Variants in KCNT2 observed in about 807,000 individuals in gnomAD.
KCNT2 encodes the protein potassium channel subfamily T member 2.
Under a neutral mutation model 153.8 loss-of-function variants are expected in KCNT2, and 67 were observed. That is an observed-to-expected ratio of 0.44 (90% CI 0.36 to 0.53). KCNT2 has a LOEUF of 0.53. Among genes scored for constraint, KCNT2 ranks in the 20% least tolerant of loss-of-function variants. The pLI is 0.00. For synonymous variants in KCNT2, 500 were observed against 458.8 expected, an observed-to-expected ratio of 1.09 and a Z score of -1.15; for missense variants, 975 against 1,354.8, an observed-to-expected ratio of 0.72 and a Z score of 4.40.
At chr1:196,269,786 C>T (rs189208207) in intron 25 of KCNT2, among the ~76,000 whole-genome samples, 2 of 152,210 alleles carry the variant, frequency 1.3e-5, no homozygotes, top group Admixed American at 6.6e-5. Context: ...ACAGGTCATG[C>T]ATCTTGCATT....
chr1:196,381,741 T>C (rs963691042), intron 13 of KCNT2, among the ~76,000 whole-genome samples: 10 of 152,094 alleles, frequency 6.6e-5, no homozygotes, highest in African/African-American at 9.7e-5. Flanking sequence ...GGCTGGAGCA[T>C]CCATTACACT....
intron 1 of KCNT2, among the ~76,000 whole-genome samples, chr1:196,575,913 G>T (rs915112417): frequency 6.7e-6 from 1 of 149,802 alleles, no homozygotes; most frequent in Non-Finnish European, 1.5e-5. Flanking sequence ...GGGAGGCAGA[G>T]GTTGCAGTGA....
At chr1:196,456,134 G>A (rs1314451422) in intron 8 of KCNT2, among the ~76,000 whole-genome samples, 2 of 151,996 alleles carry the variant, frequency 1.3e-5, no homozygotes, top group African/African-American at 2.4e-5. Flanking sequence ...TGCCTCAGGA[G>A]GCATGAACAG....
intron 1 of KCNT2, among the ~76,000 whole-genome samples, chr1:196,535,032 T>C (rs1048016080): frequency 1.3e-5 from 2 of 152,206 alleles, no homozygotes; most frequent in Admixed American, 6.6e-5. Context: ...TAATTTCCCT[T>C]TTCATGCATA....
At chr1:196,250,969 G>A (rs1655911938) in intron 26 of KCNT2, among the ~76,000 whole-genome samples, 2 of 151,956 alleles carry the variant, frequency 1.3e-5, no homozygotes, top group African/African-American at 4.8e-5. Context: ...TACAGGCAAT[G>A]ACAAATCCTG....
At chr1:196,466,184 T>G (rs1360220532) in intron 7 of KCNT2, among the ~76,000 whole-genome samples, 1 of 152,116 alleles carries the variant, frequency 6.6e-6, no homozygotes, top group Non-Finnish European at 1.5e-5. Flanking sequence ...CTGTCTTGTT[T>G]GAGTTATTTT....
rs527919216 is a variant in KCNT2 at position 196,439,145 on chromosome 1, T to C, written c.639-9388A>G. Among the ~76,000 whole-genome samples, 174 of 152,070 alleles carry C rather than the reference T, an allele frequency of 1.1e-3. 2 individuals are homozygous for C. The highest frequency in any genetic ancestry group is 4.0e-3 in the African/African-American group (167 of 41,546). ...TTCAAAACTAATTCACATAGTAATT[T>C]CTGCCTTACCGTGATTTAGTTTTAT... On this transcript the variant is annotated intron_variant, in intron 8 of 27. Coordinates refer to ENST00000294725, the MANE Select transcript of KCNT2 (RefSeq NM_198503.5).
At chr1:196,248,219 C>G (rs1408395571) in intron 26 of KCNT2, among the ~76,000 whole-genome samples, 1 of 151,372 alleles carries the variant, frequency 6.6e-6, no homozygotes, top group Non-Finnish European at 1.5e-5. Flanking sequence ...AATAAACAAC[C>G]AAATGATGCA....
intron 14 of KCNT2, among the ~76,000 whole-genome samples, chr1:196,345,766 G>T (rs1666087359): frequency 6.6e-6 from 1 of 152,006 alleles, no homozygotes; most frequent in African/African-American, 2.4e-5. Context: ...ATTTGCTAAT[G>T]GAAGAGAAAA....
chr1:196,535,215 A>G (rs1341354202), intron 1 of KCNT2, among the ~76,000 whole-genome samples: 1 of 152,172 alleles, frequency 6.6e-6, no homozygotes, highest in Non-Finnish European at 1.5e-5. Context: ...GGCCCTCATC[A>G]AGTAAGGCCA....
At chr1:196,290,179 T>G (rs891562074) in intron 22 of KCNT2, among the ~76,000 whole-genome samples, 7 of 152,136 alleles carry the variant, frequency 4.6e-5, no homozygotes, top group African/African-American at 1.7e-4. Flanking sequence ...TCCTTCATTC[T>G]TTCCTCTGGA....
intron 8 of KCNT2, among the ~76,000 whole-genome samples, chr1:196,433,895 GAAGA>G (rs1227862164): frequency 1.3e-5 from 2 of 152,022 alleles, no homozygotes; most frequent in African/African-American, 4.8e-5. Flanking sequence ...TCAAGAGACA[GAAGA>G]GAGAAAGGAA....
intron 8 of KCNT2, among the ~76,000 whole-genome samples, chr1:196,452,288 A>T (rs1418156479): frequency 6.6e-6 from 1 of 151,880 alleles, no homozygotes; most frequent in African/African-American, 2.4e-5. Context: ...ATCCAAAGAA[A>T]CTCTGAGAAC....
intron 1 of KCNT2, among the ~76,000 whole-genome samples, chr1:196,522,655 C>T (rs533768174): frequency 1.7e-4 from 26 of 152,250 alleles, no homozygotes; most frequent in Non-Finnish European, 2.4e-4. Context: ...GGACTGTAAA[C>T]GCACCAATCA....
chr1:196,586,870 A>G (rs1662753315), intron 1 of KCNT2, among the ~76,000 whole-genome samples: 1 of 152,128 alleles, frequency 6.6e-6, no homozygotes, highest in South Asian at 2.1e-4. Context: ...ACAATATTTA[A>G]TAAGTGCTAA....
Position 196,423,103 on chromosome 1 carries a change from C to T in KCNT2, c.1132G>A (p.Ala378Thr), listed in dbSNP as rs750240556. 9.4e-6 allele frequency: 15 copies of T among 1,598,960 alleles called. No homozygotes were observed. The highest frequency in any genetic ancestry group is 1.1e-5 in the Non-Finnish European group (13 of 1,169,878). Reference sequence around the variant, plus strand: ...CTACTGAGAATAAAACAGGCCTCAGCGTCATCCATCCTAAATACAGATGGA... The same window carrying T: ...CTACTGAGAATAAAACAGGCCTCAGTGTCATCCATCCTAAATACAGATGGA... ...QDLLRAKMDD[A>T]EACFILSSRC... Residue 378 changes from alanine (A) to threonine (T), a missense_variant, in exon 12 of 28, where the codon GCT (alanine) becomes ACT (threonine). By Grantham distance (58) the Ala-to-Thr change is moderately conservative. Around this residue, in one of 6 missense-constraint regions of KCNT2, gnomAD observed 202 missense variants for 314.9 expected, o/e 0.64. Coordinates refer to ENST00000294725, the MANE Select transcript of KCNT2 (RefSeq NM_198503.5).
At chr1:196,363,747 G>T (rs945020598) in intron 14 of KCNT2, among the ~76,000 whole-genome samples, 5 of 152,076 alleles carry the variant, frequency 3.3e-5, no homozygotes, top group Non-Finnish European at 7.4e-5. Flanking sequence ...GACTCCCCAA[G>T]AAAATAAATC....
intron 21 of KCNT2, among the ~76,000 whole-genome samples, chr1:196,306,325 T>C (rs1050130355): frequency 3.3e-5 from 5 of 152,150 alleles, no homozygotes; most frequent in Admixed American, 6.5e-5. Context: ...CCTGTTTGTG[T>C]GGCTCAGGAA....
rs577991219 is a variant in KCNT2, at chr1:196,489,697, A to AAATCGATC, written c.275+133_275+140dup. On this transcript the variant is annotated intron_variant, in intron 3 of 27. Coordinates refer to ENST00000294725, the MANE Select transcript of KCNT2 (RefSeq NM_198503.5). ...CCTACAAGAATTATGTAGTGCCTGT[A>AAATCGATC]AATCGATCAATTTTATTTGTGACAA... 6.0e-4 allele frequency: 329 copies of AAATCGATC among 552,298 alleles called. 1 individual carries two copies. The highest frequency in any genetic ancestry group is 4.9e-3 in the African/African-American group (243 of 49,992). The allele number at this position is 552,298 out of a possible 1,614,324, so 34.2% of individuals were successfully genotyped here.
Sources: allele counts gnomAD v4.1 joint callset (sites outside exome capture counted in the v4.1 genomes callset), GRCh38; gene constraint gnomAD v4.1.1; regional missense constraint gnomAD v4.1.1; transcripts MANE v1.5; gene names NCBI Gene and HGNC (gene_info 2026-07-23, HGNC 2026-07-21).